ERLIN2: variants seen among roughly 807,000 people sequenced by gnomAD.
The protein encoded by ERLIN2 is erlin-2.
ERLIN2 carries 22 observed loss-of-function variants against 41.5 expected under a neutral mutation model. The ratio of observed to expected loss-of-function variants is 0.53; its 90% CI spans 0.38 to 0.76. The LOEUF (loss-of-function observed/expected upper bound fraction) is 0.76, where lower values mean the gene tolerates loss of function less well. ERLIN2 is among the 30% of genes least tolerant of loss of function. The probability of loss-of-function intolerance (pLI) is 0.00; values close to 1 mark genes in which losing one functional copy is unlikely to be tolerated. For synonymous variants in ERLIN2, 149 were observed against 150.9 expected, an observed-to-expected ratio of 0.99 and a Z score of 0.09; for missense variants, 247 against 414.3, an observed-to-expected ratio of 0.60 and a Z score of 3.51.
intron 8 of ERLIN2, 140 bp from the exon 9 acceptor site, chr8:37,750,255 T>C: frequency 2.8e-6 from 2 of 710,770 alleles, no homozygotes; most frequent in South Asian, 3.0e-5. Context: ...GATCAGCTTT[T>C]ACCTGGGCCA....
chr8:37,744,551 G>T lies in ERLIN2; in HGVS notation c.299-20G>T. ...TGAGTCTTGCCTTTTCTTATGCCAA[G>T]CCCTCTCCTTCCCTCTCAGTGTATG... is the stretch of plus-strand genomic sequence containing the variant. On this transcript the variant is annotated intron_variant, in intron 5 of 11. Coordinates refer to ENST00000519638, the MANE Select transcript of ERLIN2 (RefSeq NM_007175.8). 5.6e-6 allele frequency: 9 copies of T among 1,614,094 alleles called. No individual in the cohort carries two copies. The highest frequency in any genetic ancestry group is 7.6e-6 in the Non-Finnish European group (9 of 1,179,994).
At chr8:37,746,727 C>T (rs1399373573) in intron 6 of ERLIN2, among the ~76,000 whole-genome samples, 5 of 152,182 alleles carry the variant, frequency 3.3e-5, no homozygotes, top group Admixed American at 2.0e-4. Context: ...TTGGCTTTTC[C>T]TTCTTTGAGT....
chr8:37,744,444 C>T (rs761624381), intron 5 of ERLIN2, 28 bp downstream of exon 5: 5 of 1,611,796 alleles, frequency 3.1e-6, no homozygotes, highest in East Asian at 2.2e-5. Context: ...ATTCCCACCA[C>T]CAGCTCACTT....
intron 4 of ERLIN2, among the ~76,000 whole-genome samples, chr8:37,743,841 T>G (rs1225984272): frequency 6.6e-6 from 1 of 152,222 alleles, no homozygotes; most frequent in Non-Finnish European, 1.5e-5. Context: ...GTTATCAGTG[T>G]TGAATTCAGG....
intron 10 of ERLIN2, among the ~76,000 whole-genome samples, 191 bp from the exon 11 acceptor site, chr8:37,753,259 T>C (rs1803267519): frequency 1.3e-5 from 2 of 152,234 alleles, no homozygotes; most frequent in South Asian, 4.1e-4. Flanking sequence ...TAGTTGATCC[T>C]TACAACAACT....
intron 6 of ERLIN2, 175 bp downstream of exon 6, chr8:37,744,871 T>G (rs780474700): frequency 1.3e-6 from 1 of 743,402 alleles, no homozygotes; most frequent in South Asian, 1.5e-5. Flanking sequence ...AGAATGCTGA[T>G]AGCTATGCAA....
At chr8:37,747,361 GTCCCC>G in intron 6 of ERLIN2, 1 of 1,358,114 alleles carries the variant, frequency 7.4e-7, no homozygotes, top group Non-Finnish European at 1.1e-6. Flanking sequence ...GTCAATCAAG[GTCCCC>G]TTCATTTTCA....
intron 6 of ERLIN2, chr8:37,747,534 G>A: frequency 1.2e-6 from 2 of 1,612,490 alleles, no homozygotes; most frequent in Non-Finnish European, 1.7e-6. Context: ...TAGACACAGT[G>A]ACAGAACTGA....
At chr8:37,742,930 G>T (rs1387396225) in intron 4 of ERLIN2, among the ~76,000 whole-genome samples, 1 of 152,180 alleles carries the variant, frequency 6.6e-6, no homozygotes, top group Non-Finnish European at 1.5e-5. Context: ...TAACTAAAGA[G>T]AATGTCATAA....
intron 6 of ERLIN2, 56 bp downstream of exon 6, chr8:37,744,752 GTC>G: frequency 2.5e-6 from 4 of 1,600,678 alleles, no homozygotes; most frequent in Non-Finnish European, 3.4e-6. Flanking sequence ...GGAACCCCGC[GTC>G]TCTCCACTGC....
intron 2 of ERLIN2, 32 bp from the exon 3 acceptor site, chr8:37,740,333 G>A (rs761827769): frequency 5.8e-6 from 9 of 1,558,918 alleles, no homozygotes; most frequent in Middle Eastern, 1.7e-4. Flanking sequence ...TTGCCAAACT[G>A]AAGCTGCCTC....
rs780393978 is a variant in ERLIN2, at chr8:37,750,363, A to AT, written c.558-31dup. The stretch of plus-strand genomic sequence containing the variant: ...GGATAGTGAAGCTCCTGAGTTTTCC[A>AT]TAGCTGCCTCACGGCTTTTTCTTCT... On this transcript the variant is annotated intron_variant, in intron 8 of 11. Transcript: ENST00000519638. 7.0e-6 allele frequency: 11 copies of AT among 1,569,484 alleles called. No individual in the cohort carries two copies. In the Admixed American group the frequency reaches 1.3e-4, roughly 19 times the overall value.
chr8:37,747,432 G>C, intron 6 of ERLIN2: 1 of 1,610,574 alleles, frequency 6.2e-7, no homozygotes, highest in Non-Finnish European at 8.5e-7. Flanking sequence ...TCATGCCTTT[G>C]CGCTCCAGCT....
At position 37,754,361 on chromosome 8, in the gene ERLIN2, C is replaced by T; in HGVS notation, c.*246C>T. On this transcript the variant is annotated 3_prime_UTR_variant, in exon 12 of 12. Transcript: ENST00000519638. Reference sequence around the variant, plus strand: ...TAAGATTTGTAAATCATGGGCTTGACCTTTGACCTCTAGACACTAATTTTA... The same window carrying T: ...TAAGATTTGTAAATCATGGGCTTGATCTTTGACCTCTAGACACTAATTTTA... 2.0e-6 allele frequency: 1 copy of T among 503,570 alleles called. No individual in the cohort carries two copies. The highest frequency in any genetic ancestry group is 2.0e-5 in the South Asian group (1 of 48,782). 31.2% of individuals were successfully genotyped at this position (503,570 alleles called of 1,614,324 possible).
intron 4 of ERLIN2, among the ~76,000 whole-genome samples, chr8:37,742,655 T>C (rs1187056878): frequency 1.3e-5 from 2 of 151,632 alleles, no homozygotes; most frequent in African/African-American, 4.8e-5. Flanking sequence ...GGCCTGTCAG[T>C]GGATAGGGGG....
chr8:37,738,413 G>T (rs1802729543), intron 2 of ERLIN2, among the ~76,000 whole-genome samples: 1 of 150,502 alleles, frequency 6.6e-6, no homozygotes, highest in Non-Finnish European at 1.5e-5. Flanking sequence ...CATCCCTCTG[G>T]CAGTCTTAGC....
chr8:37,750,270 A>G, intron 8 of ERLIN2, 125 bp from the exon 9 acceptor site: 1 of 754,056 alleles, frequency 1.3e-6, no homozygotes, highest in Non-Finnish European at 2.3e-6. Context: ...GGGCCATCGA[A>G]CAGCCTTCCA....
intron 6 of ERLIN2, chr8:37,745,932 T>C (rs1486212066): frequency 1.8e-6 from 2 of 1,100,282 alleles, no homozygotes; most frequent in East Asian, 1.2e-4. Context: ...CATGAACATT[T>C]CAAAGCACTG....
At position 37,755,393 on chromosome 8, in the gene ERLIN2, A is replaced by G. The variant is rs1260181118; in HGVS notation, c.*1278A>G. 1 of 152,212 alleles carries G rather than the reference A, an allele frequency of 6.6e-6. No homozygotes were observed. The highest frequency in any genetic ancestry group is 2.4e-5 in the African/African-American group (1 of 41,460). 9.4% of individuals were successfully genotyped at this position (152,212 alleles called of 1,614,324 possible). Reference sequence around the variant, plus strand: ...CAAATTTGAACAAAAGGTTTTTCTTATATCCTGAGATTGAGGGGTAGGGGG... The same window carrying G: ...CAAATTTGAACAAAAGGTTTTTCTTGTATCCTGAGATTGAGGGGTAGGGGG... On this transcript the variant is annotated 3_prime_UTR_variant, in exon 12 of 12. Transcript: ENST00000519638.
Sources: gnomAD v4.1 joint callset for allele counts (sites outside exome capture counted in the v4.1 genomes callset) on GRCh38, gnomAD v4.1.1 for gene constraint, MANE v1.5 for transcripts, NCBI Gene and HGNC (gene_info 2026-07-23, HGNC 2026-07-21) for gene names.